TRAPPC4: variants seen among roughly 807,000 people sequenced by gnomAD.
TRAPPC4 encodes trafficking protein particle complex subunit 4, also known as TRS23 homolog.
Under a neutral mutation model 23.5 loss-of-function variants are expected in TRAPPC4, and 30 were observed. The ratio of observed to expected loss-of-function variants is 1.28; its 90% CI spans 0.96 to 1.73. The LOEUF is 1.73. Ranked by LOEUF, TRAPPC4 falls within the 40% of genes most tolerant of loss-of-function variation. The pLI is 0.00. For missense variants in TRAPPC4, 252 were observed against 268.9 expected, an observed-to-expected ratio of 0.94 and a Z score of 0.44; for synonymous variants, 129 against 105.3, an observed-to-expected ratio of 1.23 and a Z score of -1.38.
At position 119,023,632 on chromosome 11, in the gene TRAPPC4, A is replaced by G; in HGVS notation, c.*233A>G. On this transcript the variant is annotated 3_prime_UTR_variant, in exon 5 of 5. Transcript: ENST00000533632. ...ATTTATTTATGGAGGAGCTAGGTCCATAAATGTTGTAATAAATATTCCTTT... is the reference window on the plus strand; with the variant it reads ...ATTTATTTATGGAGGAGCTAGGTCCGTAAATGTTGTAATAAATATTCCTTT... 2.6e-6 allele frequency: 1 copy of G among 383,390 alleles called. No individual in the cohort carries two copies. The allele number at this position is 383,390 out of a possible 1,614,324, so 23.7% of individuals were successfully genotyped here. A position where few individuals can be genotyped will look rare whatever the true frequency, so the allele number is the denominator to read the frequency against.
chr11:119,022,612 G>C (rs1482755381), intron 4 of TRAPPC4, among the ~76,000 whole-genome samples: 3 of 151,676 alleles, frequency 2.0e-5, no homozygotes, highest in Non-Finnish European at 4.4e-5. Flanking sequence ...AACAGTAGCT[G>C]GGTGCAGTGG....
In TRAPPC4 at chr11:119,024,056, T is replaced by C. The variant is rs782722849; in HGVS notation, c.*657T>C. 4 of 152,846 alleles carry C rather than the reference T, an allele frequency of 2.6e-5. No individual in the cohort carries two copies. Among genetic ancestry groups the C allele is most frequent in the Non-Finnish European group, 5.8e-5 (4 of 68,514 alleles). The allele number at this position is 152,846 out of a possible 1,614,324, so 9.5% of individuals were successfully genotyped here. A position where few individuals can be genotyped will look rare whatever the true frequency, so the allele number is the denominator to read the frequency against. ...AAGTTTCCAAGCTAGTTACTGACAG[T>C]CTGGGTTTGAACCAGGCTTTCTGGC... is the stretch of plus-strand genomic sequence containing the variant. On this transcript the variant is annotated 3_prime_UTR_variant, in exon 5 of 5. Coordinates refer to ENST00000533632, the MANE Select transcript of TRAPPC4 (RefSeq NM_016146.6).
chr11:119,021,892 T>C lies in TRAPPC4; in HGVS notation c.581+6T>C. 6.2e-7 allele frequency: 1 copy of C among 1,614,036 alleles called. No homozygotes were observed. The highest frequency in any genetic ancestry group is 8.5e-7 in the Non-Finnish European group (1 of 1,179,914). On this transcript the variant is annotated splice_donor_region_variant and intron_variant, in intron 4 of 4. Transcript: ENST00000533632. The stretch of plus-strand genomic sequence containing the variant: ...TCCTTAGAAATGCCTATCAGGTAAG[T>C]GGCCCCACTTCCCAGATACTGTTTA...
intron 2 of TRAPPC4, 100 bp downstream of exon 2, chr11:119,019,417 G>T: frequency 1.5e-6 from 2 of 1,311,378 alleles, no homozygotes; most frequent in Non-Finnish European, 2.1e-6. Context: ...TCCAGATCTA[G>T]ATTTTAGGTA....
In TRAPPC4 at chr11:119,023,376, G is replaced by A. The variant is rs1164859318; in HGVS notation, c.637G>A (p.Gly213Arg). 3 of 1,613,960 alleles carry A rather than the reference G, an allele frequency of 1.9e-6. No individual in the cohort carries two copies. The African/African-American group carries it at 4.0e-5, about 22-fold the overall frequency. Residue 213 changes from glycine (G) to arginine (R), a missense_variant, in exon 5 of 5, where the codon GGA (glycine) becomes AGA (arginine). Physicochemically the swap from Gly to Arg is moderately radical, Grantham distance 125 (BLOSUM62 -2). Around this residue, in one of 3 missense-constraint regions of TRAPPC4, gnomAD observed 21 missense variants for 24.8 expected, o/e 0.85. Transcript: ENST00000533632. ...KLALEVAEKAGTFGPGS is the reference protein window; with the variant it reads ...KLALEVAEKARTFGPGS ...AGCTCTGGAGGTGGCAGAGAAGGCT[G>A]GAACTTTTGGACCTGGGTCATAGGC...
At chr11:119,021,947 G>A in intron 4 of TRAPPC4, 61 bp downstream of exon 4, 1 of 1,584,932 alleles carries the variant, frequency 6.3e-7, no homozygotes, top group South Asian at 1.1e-5. Context: ...TGTGTGCTCT[G>A]TCCAAAGTTA....
rs782349091 is a variant in TRAPPC4, at chr11:119,019,333, C to T, written c.350+16C>T. Reference sequence around the variant, plus strand: ...TGTTCCACTCGTAAGTCCCCCGTCTCCTGAACGGCAGCGCTTGTAATTTGT... The same window carrying T: ...TGTTCCACTCGTAAGTCCCCCGTCTTCTGAACGGCAGCGCTTGTAATTTGT... On this transcript the variant is annotated intron_variant, in intron 2 of 4. Coordinates refer to ENST00000533632, the MANE Select transcript of TRAPPC4 (RefSeq NM_016146.6). 4.4e-6 allele frequency: 7 copies of T among 1,602,366 alleles called. No homozygotes were observed. Among genetic ancestry groups the T allele is most frequent in the South Asian group, 2.2e-5 (2 of 90,640 alleles).
intron 4 of TRAPPC4, 78 bp from the exon 5 acceptor site, chr11:119,023,243 C>T (rs1033489181): frequency 2.7e-5 from 38 of 1,400,154 alleles, no homozygotes; most frequent in Non-Finnish European, 3.0e-6. Context: ...TGTTGTTCTT[C>T]AAGCAGTTTC....
At chr11:119,023,089 G>A (rs888883496) in intron 4 of TRAPPC4, 2 of 333,416 alleles carry the variant, frequency 6.0e-6, no homozygotes, top group Admixed American at 3.9e-5. Flanking sequence ...CTCAGCCTCC[G>A]GAGTAGCTGG....
intron 3 of TRAPPC4, chr11:119,020,487 C>T (rs868313643): frequency 1.5e-4 from 63 of 409,438 alleles, no homozygotes; most frequent in Middle Eastern, 1.4e-3. Context: ...GGGGCATGAT[C>T]CGCCCCCTGG....
In TRAPPC4 at chr11:119,021,751, T is replaced by C; in HGVS notation, c.455-9T>C. 6.2e-7 allele frequency: 1 copy of C among 1,613,830 alleles called. No homozygotes were observed. Among genetic ancestry groups the C allele is most frequent in the Non-Finnish European group, 8.5e-7 (1 of 1,179,844 alleles). On this transcript the variant is annotated splice_polypyrimidine_tract_variant and intron_variant, in intron 3 of 4. Coordinates refer to ENST00000533632, the MANE Select transcript of TRAPPC4 (RefSeq NM_016146.6). ...TACGCTTTGGTAACCATTCTTGGTC[T>C]CTCTCCAGGGATCAAGTTTGTGGTT...
chr11:119,021,949 C>T, intron 4 of TRAPPC4, 63 bp downstream of exon 4: 3 of 1,578,520 alleles, frequency 1.9e-6, no homozygotes, highest in Non-Finnish European at 2.6e-6. Context: ...TGTGCTCTGT[C>T]CAAAGTTAGC....
Position 119,020,219 on chromosome 11 carries a change from C to T in TRAPPC4, c.420C>T (p.Asp140=), listed in dbSNP as rs1403099829. ...CAGGCATTGAGATGCTGGAGACAGACACATTCAAATTGCACTGCTACCAGA... is the reference window on the plus strand; with the variant it reads ...CAGGCATTGAGATGCTGGAGACAGATACATTCAAATTGCACTGCTACCAGA... ...GSSGIEMLET[D]TFKLHCYQTL... The change falls in exon 3 of 5, where the codon GAC becomes GAT. Residue 140 remains aspartate (D), a synonymous_variant. Transcript: ENST00000533632. 4 of 1,613,836 alleles carry T rather than the reference C, an allele frequency of 2.5e-6. No individual in the cohort carries two copies. Among genetic ancestry groups the T allele is most frequent in the Non-Finnish European group, 2.5e-6 (3 of 1,179,978 alleles).
rs782563100 is a variant in TRAPPC4, at chr11:119,019,237, T to C, written c.270T>C (p.Ala90=). Residue 90 remains alanine (A), a synonymous_variant, in exon 2 of 5, where the codon GCT becomes GCC. Transcript: ENST00000533632. ...TGCTGGAGTATCTGGGTAACCCTGC[T>C]AATTACCCGGTGTCCATTCGATTTG... The part of the protein sequence containing the change: ...KEVLEYLGNP[A]NYPVSIRFGR... 1.2e-6 allele frequency: 2 copies of C among 1,614,166 alleles called. No individual in the cohort carries two copies. Among genetic ancestry groups the C allele is most frequent in the East Asian group, 2.2e-5 (1 of 44,884 alleles).
intron 3 of TRAPPC4, 167 bp downstream of exon 3, chr11:119,020,420 G>T: frequency 3.5e-6 from 2 of 571,248 alleles, no homozygotes; most frequent in Middle Eastern, 4.5e-4. Context: ...TGCTTTTCCT[G>T]GCACAATTCT....
In TRAPPC4 at chr11:119,023,253, C is replaced by T. The variant is rs567151625; in HGVS notation, c.582-68C>T. The T allele has an allele frequency of 1.6e-4, 240 of 1,490,484 alleles. 2 individuals are homozygous for T. The South Asian group carries it at 2.5e-3, about 15-fold the overall frequency. 92.3% of individuals were successfully genotyped at this position (1,490,484 alleles called of 1,614,324 possible). A position where few individuals can be genotyped will look rare whatever the true frequency, so the allele number is the denominator to read the frequency against. ...ATATATGTTGTTCTTCAAGCAGTTT[C>T]CCCTGGCTTAAGTGGGGAGAAAGCC... On this transcript the variant is annotated intron_variant, in intron 4 of 4. Coordinates refer to ENST00000533632, the MANE Select transcript of TRAPPC4 (RefSeq NM_016146.6).
In TRAPPC4 at chr11:119,019,329, G is replaced by A; in HGVS notation, c.350+12G>A. 1 of 1,606,704 alleles carries A rather than the reference G, an allele frequency of 6.2e-7. No individual in the cohort carries two copies. Among genetic ancestry groups the A allele is most frequent in the Non-Finnish European group, 8.5e-7 (1 of 1,174,252 alleles). ...TCCATGTTCCACTCGTAAGTCCCCC[G>A]TCTCCTGAACGGCAGCGCTTGTAAT... On this transcript the variant is annotated intron_variant, in intron 2 of 4. Transcript: ENST00000533632.
Position 119,020,227 on chromosome 11 carries a change from A to T in TRAPPC4, c.428A>T (p.Lys143Ile). 6.2e-7 allele frequency: 1 copy of T among 1,613,688 alleles called. No individual in the cohort carries two copies. Among genetic ancestry groups the T allele is most frequent in the South Asian group, 1.1e-5 (1 of 91,076 alleles). Residue 143 changes from lysine (K) to isoleucine (I), a missense_variant, in exon 3 of 5, where the codon AAA becomes ATA. Physicochemically the swap from Lys to Ile is moderately radical, Grantham distance 102. Transcript: ENST00000533632. The stretch of plus-strand genomic sequence containing the variant: ...GAGATGCTGGAGACAGACACATTCA[A>T]ATTGCACTGCTACCAGACACTGACA... ...GIEMLETDTF[K>I]LHCYQTLTGI...
Position 119,020,192 on chromosome 11 carries a change from C to T in TRAPPC4, c.393C>T (p.Ser131=). 6.2e-7 allele frequency: 1 copy of T among 1,614,026 alleles called. No individual in the cohort carries two copies. The highest frequency in any genetic ancestry group is 8.5e-7 in the Non-Finnish European group (1 of 1,180,016). The change falls in exon 3 of 5, where the codon AGC becomes AGT. Residue 131 remains serine (S), a synonymous_variant. Transcript: ENST00000533632. ...IGSQLSPEQG[S]SGIEMLETDT... is the part of the protein sequence containing the mutation. Reference sequence around the variant, plus strand: ...CCCAGCTGTCTCCTGAACAGGGAAGCTCAGGCATTGAGATGCTGGAGACAG... The same window carrying T: ...CCCAGCTGTCTCCTGAACAGGGAAGTTCAGGCATTGAGATGCTGGAGACAG...
Sources: allele counts gnomAD v4.1 joint callset (sites outside exome capture counted in the v4.1 genomes callset), GRCh38; gene constraint gnomAD v4.1.1; regional missense constraint gnomAD v4.1.1; transcripts MANE v1.5; gene names NCBI Gene and HGNC (gene_info 2026-07-23, HGNC 2026-07-21).